The following RAMP1 variants were observed in gnomAD, a reference collection of about 807,000 sequenced individuals.
RAMP1 encodes the protein receptor activity-modifying protein 1.
A neutral mutation model predicts 8.2 loss-of-function variants in RAMP1; 7 were observed. That is an observed-to-expected ratio of 0.85 (90% CI 0.49 to 1.60). RAMP1 has a LOEUF of 1.60. Ranked by LOEUF, RAMP1 falls within the 40% of genes most tolerant of loss-of-function variation. The probability of loss-of-function intolerance (pLI) is 0.00; values close to 1 mark genes in which losing one functional copy is unlikely to be tolerated. For synonymous variants in RAMP1, 92 were observed against 84.7 expected (o/e 1.09, Z -0.47); for missense variants, 192 against 202.4 (o/e 0.95, Z 0.31).
intron 2 of RAMP1, among the ~76,000 whole-genome samples, chr2:237,898,927 T>C (rs748226985): frequency 6.6e-6 from 1 of 152,350 alleles, no homozygotes; most frequent in African/African-American, 2.4e-5. Context: ...ATCCTGGGTG[T>C]GAGCCCTGAC....
At chr2:237,906,010 C>CAAAA (rs377067863) in intron 2 of RAMP1, among the ~76,000 whole-genome samples, 5 of 95,780 alleles carry the variant, frequency 5.2e-5, no homozygotes, top group Admixed American at 1.2e-4. Flanking sequence ...GACTCTGTCT[C>CAAAA]AAAAAAAAAA....
intron 2 of RAMP1, among the ~76,000 whole-genome samples, chr2:237,904,854 T>C (rs527824363): frequency 5.3e-5 from 8 of 152,302 alleles, no homozygotes; most frequent in Admixed American, 2.6e-4. Context: ...GAGCTGGGAT[T>C]TGAACCCAGG....
chr2:237,883,816 C>CAAAAA (rs56095303), intron 2 of RAMP1, among the ~76,000 whole-genome samples: 1 of 61,438 alleles, frequency 1.6e-5, no homozygotes, highest in African/African-American at 6.5e-5. Flanking sequence ...GACCCTACCT[C>CAAAAA]AAAAAAAAAA....
At chr2:237,886,468 A>T (rs954668079) in intron 2 of RAMP1, among the ~76,000 whole-genome samples, 1 of 151,966 alleles carries the variant, frequency 6.6e-6, no homozygotes, top group Admixed American at 6.6e-5. Context: ...AATGGGGAGG[A>T]GGAGCCCCAT....
chr2:237,908,410 C>CTGGTGGTGGTGG (rs1553740387), intron 2 of RAMP1, among the ~76,000 whole-genome samples: 4 of 149,012 alleles, frequency 2.7e-5, no homozygotes, highest in African/African-American at 9.9e-5. Flanking sequence ...GAAGAGACCT[C>CTGGTGGTGGTGG]TGGTGGTGGT....
At chr2:237,905,492 C>T (rs904827814) in intron 2 of RAMP1, among the ~76,000 whole-genome samples, 2 of 152,202 alleles carry the variant, frequency 1.3e-5, no homozygotes, top group African/African-American at 4.8e-5. Context: ...AGCGTGGCCT[C>T]GGCGTGGGTT....
chr2:237,884,568 G>A (rs889912776), intron 2 of RAMP1, among the ~76,000 whole-genome samples: 3 of 152,154 alleles, frequency 2.0e-5, no homozygotes, highest in African/African-American at 4.8e-5. Context: ...AAGGGGACAC[G>A]CCTATTCCAC....
At chr2:237,891,201 G>A (rs55876695) in intron 2 of RAMP1, among the ~76,000 whole-genome samples, 97,750 of 149,260 alleles carry the variant, frequency 0.65, 32,272 homozygotes, top group African/African-American at 0.77. Context: ...CCAGAGTGAG[G>A]GTGCAGTGGC....
Position 237,911,795 on chromosome 2 carries a change from G to T in RAMP1, c.*12G>T. ...AGGGCATTGTGTAGGCGGGGCCCAG[G>T]CTGCCCGCGGGTGCACCCAGGCTGC... On this transcript the variant is annotated 3_prime_UTR_variant, in exon 3 of 3. Transcript: ENST00000254661. 1 of 1,584,964 alleles carries T rather than the reference G, an allele frequency of 6.3e-7. No individual in the cohort carries two copies. The highest frequency in any genetic ancestry group is 8.6e-7 in the Non-Finnish European group (1 of 1,164,446).
Position 237,912,051 on chromosome 2 carries a change from A to G in RAMP1, c.*268A>G, listed in dbSNP as rs759934032. On this transcript the variant is annotated 3_prime_UTR_variant, in exon 3 of 3. Transcript: ENST00000254661. Reference sequence around the variant, plus strand: ...GAAAGGGTCCCAGCCTAGACTGCTTACCCCATAGCCACATTTGTGGATGAG... The same window carrying G: ...GAAAGGGTCCCAGCCTAGACTGCTTGCCCCATAGCCACATTTGTGGATGAG... 1.9e-6 allele frequency: 1 copy of G among 525,324 alleles called. No homozygotes were observed. The highest frequency in any genetic ancestry group is 3.4e-6 in the Non-Finnish European group (1 of 296,092). 32.5% of individuals were successfully genotyped at this position (525,324 alleles called of 1,614,324 possible). A position where few individuals can be genotyped will look rare whatever the true frequency, so the allele number is the denominator to read the frequency against.
At chr2:237,884,080 C>A (rs2062403078) in intron 2 of RAMP1, among the ~76,000 whole-genome samples, 1 of 152,006 alleles carries the variant, frequency 6.6e-6, no homozygotes, top group Non-Finnish European at 1.5e-5. Context: ...GCTTTGTTAC[C>A]TGGTTGGTGG....
In RAMP1 at chr2:237,911,797, T is replaced by C. The variant is rs1253255522; in HGVS notation, c.*14T>C. The stretch of plus-strand genomic sequence containing the variant: ...GGCATTGTGTAGGCGGGGCCCAGGC[T>C]GCCCGCGGGTGCACCCAGGCTGCAG... On this transcript the variant is annotated 3_prime_UTR_variant, in exon 3 of 3. Transcript: ENST00000254661. The C allele has an allele frequency of 5.7e-6, 9 of 1,579,314 alleles. No homozygotes were observed. In the East Asian group the frequency reaches 2.1e-4, roughly 37 times the overall value.
intron 1 of RAMP1, among the ~76,000 whole-genome samples, chr2:237,861,820 C>T (rs1356129351): frequency 6.7e-6 from 1 of 150,060 alleles, no homozygotes; most frequent in Non-Finnish European, 1.5e-5. Context: ...CACTGCACTC[C>T]AGCCTGGGTG....
At chr2:237,873,882 G>T (rs911520009) in intron 1 of RAMP1, among the ~76,000 whole-genome samples, 19 of 152,170 alleles carry the variant, frequency 1.2e-4, no homozygotes, top group African/African-American at 4.1e-4. Context: ...CTGGTTTCCA[G>T]ATTTGCCTGA....
chr2:237,885,055 C>T (rs572219765), intron 2 of RAMP1, among the ~76,000 whole-genome samples: 2 of 152,260 alleles, frequency 1.3e-5, no homozygotes, highest in Non-Finnish European at 2.9e-5. Context: ...GGGCAGGGTG[C>T]ACCAACACTT....
At chr2:237,868,255 G>T (rs2062209490) in intron 1 of RAMP1, among the ~76,000 whole-genome samples, 1 of 151,964 alleles carries the variant, frequency 6.6e-6, no homozygotes, top group Non-Finnish European at 1.5e-5. Context: ...TGTTGGCCAG[G>T]CTGCTCTCGA....
At chr2:237,863,540 T>C (rs56131445) in intron 1 of RAMP1, among the ~76,000 whole-genome samples, 5,909 of 152,260 alleles carry the variant, frequency 0.039, 254 homozygotes, top group African/African-American at 0.1. Context: ...AACAAAATCG[T>C]ACTCACTTCA....
chr2:237,890,484 G>T (rs2062477556), intron 2 of RAMP1, among the ~76,000 whole-genome samples: 1 of 152,208 alleles, frequency 6.6e-6, no homozygotes, highest in Admixed American at 6.5e-5. Flanking sequence ...TTACAGGCAT[G>T]AGCCACTGCA....
intron 1 of RAMP1, chr2:237,860,032 A>G: frequency 3.7e-6 from 1 of 268,146 alleles, no homozygotes; most frequent in Non-Finnish European, 7.0e-6. Flanking sequence ...CTGGAGAACT[A>G]GTTTTCAGAA....
Sources: gnomAD v4.1 joint callset for allele counts (sites outside exome capture counted in the v4.1 genomes callset) on GRCh38, gnomAD v4.1.1 for gene constraint, MANE v1.5 for transcripts, NCBI Gene and HGNC (gene_info 2026-07-23, HGNC 2026-07-21) for gene names.